Variants in PDE4D observed in about 807,000 individuals in gnomAD.
PDE4D encodes 3',5'-cyclic-AMP phosphodiesterase 4D.
A neutral mutation model predicts 87.4 loss-of-function variants in PDE4D; 24 were observed. The ratio of observed to expected loss-of-function variants is 0.27; its 90% CI spans 0.20 to 0.39. The LOEUF (loss-of-function observed/expected upper bound fraction) is 0.39, where lower values mean the gene tolerates loss of function less well. PDE4D is among the 10% of genes least tolerant of loss of function. PDE4D has a pLI of 1.00. For missense variants in PDE4D, 714 were observed against 1,041.0 expected (o/e 0.69, Z 4.32); for synonymous variants, 384 against 383.2 (o/e 1.00, Z -0.02).
intron 1 of PDE4D, among the ~76,000 whole-genome samples, chr5:60,249,713 C>T (rs1748208152): frequency 6.6e-6 from 1 of 151,854 alleles, no homozygotes; most frequent in Admixed American, 6.6e-5. Context: ...GGTAGGCATA[C>T]CTACTTCTGA....
intron 1 of PDE4D, among the ~76,000 whole-genome samples, chr5:60,335,628 T>C (rs1301094546): frequency 1.3e-5 from 2 of 152,206 alleles, no homozygotes; most frequent in African/African-American, 2.4e-5. Flanking sequence ...TAAACTCTCC[T>C]GGCAACCTTG....
At chr5:59,889,228 T>TA (rs58549979) in intron 1 of PDE4D, among the ~76,000 whole-genome samples, 7,566 of 70,900 alleles carry the variant, frequency 0.11, 480 homozygotes, top group Middle Eastern at 0.23. Flanking sequence ...AGACTCTGTC[T>TA]AAAAAAAAAA....
At chr5:59,847,624 T>G (rs1016655363) in intron 1 of PDE4D, among the ~76,000 whole-genome samples, 1 of 152,132 alleles carries the variant, frequency 6.6e-6, no homozygotes, top group Non-Finnish European at 1.5e-5. Flanking sequence ...CTTCCTGAAG[T>G]GTCAGTTTCT....
chr5:60,054,983 A>T (rs188685031), intron 2 of PDE4D, among the ~76,000 whole-genome samples: 3 of 152,202 alleles, frequency 2.0e-5, no homozygotes, highest in African/African-American at 7.2e-5. Context: ...ATAACTACAG[A>T]TGTGAAGTCA....
intron 1 of PDE4D, among the ~76,000 whole-genome samples, chr5:59,327,874 C>T (rs775666739): frequency 5.9e-5 from 9 of 152,044 alleles, no homozygotes; most frequent in East Asian, 1.9e-4. Flanking sequence ...TCCATTTCTT[C>T]GTCTGAAAAA....
At chr5:58,998,660 C>A (rs745750625) in intron 6 of PDE4D, among the ~76,000 whole-genome samples, 1 of 152,098 alleles carries the variant, frequency 6.6e-6, no homozygotes, top group South Asian at 2.1e-4. Context: ...ACAAAGCAAA[C>A]GACAAACACT....
At chr5:59,807,274 G>C (rs1262894487) in intron 1 of PDE4D, among the ~76,000 whole-genome samples, 1 of 152,188 alleles carries the variant, frequency 6.6e-6, no homozygotes, top group African/African-American at 2.4e-5. Context: ...CAGGATCCTT[G>C]GAATATGGTC....
At chr5:60,109,289 T>A (rs1396878554) in intron 2 of PDE4D, among the ~76,000 whole-genome samples, 1 of 152,138 alleles carries the variant, frequency 6.6e-6, no homozygotes, top group Non-Finnish European at 1.5e-5. Flanking sequence ...ATCAGAGGAA[T>A]GCAAATCAAA....
At chr5:59,281,090 A>T (rs1192191685) in intron 1 of PDE4D, among the ~76,000 whole-genome samples, 1 of 152,142 alleles carries the variant, frequency 6.6e-6, no homozygotes, top group South Asian at 2.1e-4. Flanking sequence ...TACACTGAAA[A>T]AGAGTGAGGG....
intron 1 of PDE4D, among the ~76,000 whole-genome samples, chr5:59,415,717 A>G (rs1793492421): frequency 1.3e-5 from 2 of 152,250 alleles, no homozygotes; most frequent in Non-Finnish European, 2.9e-5. Context: ...GATTTCAAAG[A>G]CAAAGTATGA....
Position 59,038,990 on chromosome 5 carries a change from A to AG in PDE4D, c.809-20dup, listed in dbSNP as rs1458134930. The AG allele has an allele frequency of 1.9e-6, 3 of 1,560,688 alleles. No homozygotes were observed. Among genetic ancestry groups the AG allele is most frequent in the Non-Finnish European group, 1.7e-6 (2 of 1,151,650 alleles). On this transcript the variant is annotated intron_variant, in intron 5 of 14. Coordinates refer to ENST00000340635, the MANE Select transcript of PDE4D (RefSeq NM_001104631.2). The stretch of plus-strand genomic sequence containing the variant: ...GCCTCCTCTGCGAAGAGACAGGGAA[A>AG]GGGGGACTCAGTTCTCAAGCGCTTC...
chr5:60,063,790 T>C (rs1394746979), intron 2 of PDE4D, among the ~76,000 whole-genome samples: 1 of 152,098 alleles, frequency 6.6e-6, no homozygotes, highest in Non-Finnish European at 1.5e-5. Flanking sequence ...ATGGCTGGCA[T>C]AATTTGGAAC....
intron 2 of PDE4D, among the ~76,000 whole-genome samples, chr5:60,148,736 C>T (rs1233312830): frequency 1.3e-5 from 2 of 152,138 alleles, no homozygotes; most frequent in Non-Finnish European, 2.9e-5. Flanking sequence ...TATAGTAGGA[C>T]ATACATTTAG....
At chr5:60,030,274 C>A (rs1379018792) in intron 2 of PDE4D, among the ~76,000 whole-genome samples, 1 of 151,816 alleles carries the variant, frequency 6.6e-6, no homozygotes, top group Non-Finnish European at 1.5e-5. Context: ...CAAGGTGAAA[C>A]CCCGTCTCTA....
At chr5:60,324,170 T>C (rs1447642279) in intron 1 of PDE4D, among the ~76,000 whole-genome samples, 2 of 152,310 alleles carry the variant, frequency 1.3e-5, no homozygotes, top group South Asian at 4.2e-4. Flanking sequence ...AGAATTTTTG[T>C]TGGGTGAATG....
At chr5:59,065,253 TC>T (rs377131116) in intron 5 of PDE4D, among the ~76,000 whole-genome samples, 20 of 152,156 alleles carry the variant, frequency 1.3e-4, no homozygotes, top group African/African-American at 4.6e-4. Flanking sequence ...TACTGCATGA[TC>T]TCACTTACAT....
chr5:59,391,888 T>C (rs1398171299), intron 1 of PDE4D, among the ~76,000 whole-genome samples: 1 of 150,840 alleles, frequency 6.6e-6, no homozygotes, highest in East Asian at 1.9e-4. Flanking sequence ...TTCTTCATGG[T>C]ATTTATCACA....
chr5:59,484,292 T>C (rs780113131), intron 1 of PDE4D, among the ~76,000 whole-genome samples: 3 of 152,218 alleles, frequency 2.0e-5, no homozygotes, highest in Admixed American at 6.5e-5. Context: ...GGTGATTCAG[T>C]ATCTGATGAA....
At position 59,286,010 on chromosome 5, in the gene PDE4D, C is replaced by T. The variant is rs922508310; in HGVS notation, c.456-70042G>A. ...TGTATCTCTGGCAGGATTATCCTTC[C>T]TTTCTTTTACCTCTCTTTTTGGTAA... On this transcript the variant is annotated intron_variant, in intron 1 of 14. Transcript: ENST00000340635. Among the ~76,000 whole-genome samples, 8 of 152,186 alleles carry T rather than the reference C, an allele frequency of 5.3e-5. No individual in the cohort carries two copies. The East Asian group carries it at 1.5e-3, about 29-fold the overall frequency.
Sources: allele counts gnomAD v4.1 joint callset (sites outside exome capture counted in the v4.1 genomes callset), GRCh38; gene constraint gnomAD v4.1.1; transcripts MANE v1.5; gene names NCBI Gene and HGNC (gene_info 2026-07-23, HGNC 2026-07-21).